Variants in CADPS2 observed in about 807,000 individuals in gnomAD.
The protein encoded by CADPS2 is calcium dependent secretion activator 2, also known as calcium-dependent secretion activator 2.
A neutral mutation model predicts 172.5 loss-of-function variants in CADPS2; 93 were observed. The observed-to-expected ratio is 0.54, with a 90% CI of 0.46 to 0.64. The LOEUF is 0.64. Ranked by LOEUF, CADPS2 falls within the 30% of genes least tolerant of loss-of-function variation. The pLI, the probability that CADPS2 is intolerant of heterozygous loss-of-function variation, is 0.00. For synonymous variants in CADPS2, 546 were observed against 555.2 expected, an observed-to-expected ratio of 0.98 and a Z score of 0.23; for missense variants, 1,420 against 1,565.9, an observed-to-expected ratio of 0.91 and a Z score of 1.57.
intron 11 of CADPS2, among the ~76,000 whole-genome samples, chr7:122,484,729 A>G (rs1247837744): frequency 2.0e-5 from 3 of 151,974 alleles, no homozygotes; most frequent in Non-Finnish European, 4.4e-5. Context: ...AGATTAGGAG[A>G]AAATATTTGC....
chr7:122,388,250 G>C (rs1425982864), intron 23 of CADPS2, among the ~76,000 whole-genome samples: 2 of 151,906 alleles, frequency 1.3e-5, no homozygotes, highest in Non-Finnish European at 2.9e-5. Flanking sequence ...GAACATAACA[G>C]ACCTTTTTCA....
In CADPS2 at chr7:122,416,140, G is replaced by C. The variant is rs1047169129; in HGVS notation, c.2501C>G (p.Ala834Gly). 3.9e-6 allele frequency: 6 copies of C among 1,549,020 alleles called. No individual in the cohort carries two copies. The African/African-American group carries it at 6.8e-5, about 18-fold the overall frequency. ...IEETMNQASP[A>G]RKLEEILHLA... The stretch of plus-strand genomic sequence containing the variant: ...ATGAAGAATCTCTTCCAGCTTTCTA[G>C]CAGGAGATGCCTGGTTCATGGTCTC... Residue 834 changes from alanine (A) to glycine (G), a missense_variant, in exon 18 of 30, where the codon GCT becomes GGT. Transcript: ENST00000449022.
At chr7:122,748,019 T>A (rs191142099) in intron 1 of CADPS2, among the ~76,000 whole-genome samples, 32 of 152,286 alleles carry the variant, frequency 2.1e-4, no homozygotes, top group African/African-American at 5.8e-4. Context: ...AGGATGCAGA[T>A]TTCTTCAACG....
chr7:122,557,056 G>C (rs914501875), intron 7 of CADPS2, among the ~76,000 whole-genome samples: 1 of 152,098 alleles, frequency 6.6e-6, no homozygotes, highest in Non-Finnish European at 1.5e-5. Flanking sequence ...TGGACAGACT[G>C]ACTGATAAAG....
intron 2 of CADPS2, chr7:122,681,269 A>G (rs1003105080): frequency 1.2e-5 from 10 of 820,892 alleles, no homozygotes; most frequent in Middle Eastern, 2.6e-4. Flanking sequence ...CCTAAAACTT[A>G]AAGTATAATA....
chr7:122,537,509 T>C (rs2062431195), intron 8 of CADPS2, among the ~76,000 whole-genome samples: 1 of 151,588 alleles, frequency 6.6e-6, no homozygotes, highest in African/African-American at 2.4e-5. Context: ...GTGAAACAAC[T>C]GCAAAAGAAT....
At chr7:122,655,686 G>A (rs1378456673) in intron 3 of CADPS2, among the ~76,000 whole-genome samples, 1 of 151,804 alleles carries the variant, frequency 6.6e-6, no homozygotes, top group African/African-American at 2.4e-5. Context: ...ATATCTCCAA[G>A]GTATGCTTGC....
chr7:122,616,124 T>C (rs1206001531), intron 5 of CADPS2, among the ~76,000 whole-genome samples: 1 of 152,122 alleles, frequency 6.6e-6, no homozygotes, highest in Admixed American at 6.5e-5. Context: ...TTATTTACCA[T>C]AGCGTTTTCA....
At chr7:122,710,068 A>T (rs1588642278) in intron 2 of CADPS2, among the ~76,000 whole-genome samples, 2 of 123,040 alleles carry the variant, frequency 1.6e-5, no homozygotes, top group African/African-American at 5.8e-5. Context: ...AAAAAAAATG[A>T]CCTTCTGCCA....
chr7:122,710,952 C>G lies in CADPS2; in HGVS notation c.453+26003G>C, dbSNP rs556376559. On this transcript the variant is annotated intron_variant, in intron 2 of 29. Transcript: ENST00000449022. Reference sequence around the variant, plus strand: ...AGCACAATAAAACTTGCTCAAGGTCCCTGACAAAATGTTGATTTTCAAGTA... The same window carrying G: ...AGCACAATAAAACTTGCTCAAGGTCGCTGACAAAATGTTGATTTTCAAGTA... Among the ~76,000 whole-genome samples, 14 of 152,152 alleles carry G rather than the reference C, an allele frequency of 9.2e-5. 1 individual carries two copies. In the South Asian group the frequency reaches 2.7e-3, roughly 29 times the overall value.
intron 2 of CADPS2, chr7:122,681,278 T>C (rs1365575137): frequency 5.8e-6 from 5 of 855,026 alleles, no homozygotes; most frequent in Non-Finnish European, 9.9e-6. Flanking sequence ...TAAAGTATAA[T>C]AATAAAAGAA....
At chr7:122,637,208 T>TTTTTTTTTTTTTTTTTCTC (rs778963218) in intron 3 of CADPS2, among the ~76,000 whole-genome samples, 5 of 62,664 alleles carry the variant, frequency 8.0e-5, no homozygotes, top group African/African-American at 1.9e-4. Context: ...TTTTTTTTTT[T>TTTTTTTTTTTTTTTTTCTC]CCTGAGACAG....
intron 1 of CADPS2, among the ~76,000 whole-genome samples, chr7:122,866,025 A>C (rs1818222286): frequency 6.6e-6 from 1 of 152,226 alleles, no homozygotes; most frequent in Non-Finnish European, 1.5e-5. Context: ...TAAAAACATT[A>C]ATAGTTAAAA....
At chr7:122,327,310 T>C (rs1371293561) in intron 28 of CADPS2, among the ~76,000 whole-genome samples, 1 of 152,164 alleles carries the variant, frequency 6.6e-6, no homozygotes, top group African/African-American at 2.4e-5. Context: ...ATTGGTGATA[T>C]TGAATATGAG....
At chr7:122,696,827 G>C (rs930405356) in intron 2 of CADPS2, among the ~76,000 whole-genome samples, 2 of 152,060 alleles carry the variant, frequency 1.3e-5, no homozygotes, top group Non-Finnish European at 2.9e-5. Flanking sequence ...ACACATAATA[G>C]TTGCATTACA....
At chr7:122,729,418 T>G (rs988839401) in intron 2 of CADPS2, among the ~76,000 whole-genome samples, 2 of 151,738 alleles carry the variant, frequency 1.3e-5, no homozygotes, top group African/African-American at 4.8e-5. Flanking sequence ...GGTATTTCTA[T>G]TTTTAATTTT....
chr7:122,795,404 C>T (rs919948818), intron 1 of CADPS2, among the ~76,000 whole-genome samples: 2 of 152,002 alleles, frequency 1.3e-5, no homozygotes, highest in South Asian at 4.2e-4. Context: ...CAAGACTCAA[C>T]CAGGAAAATG....
rs2053066248 is a variant in CADPS2 at position 122,451,276 on chromosome 7, T to G, written c.2288+98A>C. On this transcript the variant is annotated intron_variant, in intron 15 of 29. Coordinates refer to ENST00000449022, the MANE Select transcript of CADPS2 (RefSeq NM_017954.11). Reference sequence around the variant, plus strand: ...GGCAAGGGAGGGCTACTGATGATCTTGAGCGCTAGTAGAATGATATAATAA... The same window carrying G: ...GGCAAGGGAGGGCTACTGATGATCTGGAGCGCTAGTAGAATGATATAATAA... 4 of 512,822 alleles carry G rather than the reference T, an allele frequency of 7.8e-6. No homozygotes were observed. In the East Asian group the frequency reaches 1.5e-4, roughly 19 times the overall value. The allele number at this position is 512,822 out of a possible 1,614,324, so 31.8% of individuals were successfully genotyped here.
intron 8 of CADPS2, among the ~76,000 whole-genome samples, chr7:122,545,863 T>C (rs1357520171): frequency 6.6e-6 from 1 of 152,208 alleles, no homozygotes; most frequent in Admixed American, 6.5e-5. Context: ...ACCTGTGGAC[T>C]ACTGTTATAT....
Sources: gnomAD v4.1 joint callset for allele counts (sites outside exome capture counted in the v4.1 genomes callset) on GRCh38, gnomAD v4.1.1 for gene constraint, MANE v1.5 for transcripts, NCBI Gene and HGNC (gene_info 2026-07-23, HGNC 2026-07-21) for gene names.